GMDS: variants seen among roughly 807,000 people sequenced by gnomAD.
The protein encoded by GMDS is GDP-mannose 4,6 dehydratase.
GMDS carries 20 observed loss-of-function variants against 49.9 expected under a neutral mutation model. That is an observed-to-expected ratio of 0.40 (90% CI 0.28 to 0.58). The LOEUF (loss-of-function observed/expected upper bound fraction) is 0.58. GMDS is among the 20% of genes least tolerant of loss of function. The probability of loss-of-function intolerance (pLI) is 0.42; values close to 1 mark genes in which losing one functional copy is unlikely to be tolerated. For synonymous variants in GMDS, 177 were observed against 178.6 expected (o/e 0.99, Z 0.07); for missense variants, 362 against 481.4 (o/e 0.75, Z 2.32).
At chr6:1,913,872 G>A (rs964661623) in intron 7 of GMDS, among the ~76,000 whole-genome samples, 9 of 152,218 alleles carry the variant, frequency 5.9e-5, no homozygotes, top group Non-Finnish European at 8.8e-5. Flanking sequence ...ATGGTAAAGC[G>A]GAAAGCTAAC....
chr6:1,711,387 C>G (rs1255543317), intron 9 of GMDS, among the ~76,000 whole-genome samples: 1 of 152,232 alleles, frequency 6.6e-6, no homozygotes, highest in African/African-American at 2.4e-5. Flanking sequence ...GGCTTAAGAA[C>G]CATGGACTAG....
At chr6:2,114,407 C>T (rs1317105777) in intron 4 of GMDS, among the ~76,000 whole-genome samples, 1 of 152,040 alleles carries the variant, frequency 6.6e-6, no homozygotes, top group African/African-American at 2.4e-5. Flanking sequence ...GTCTTCATTC[C>T]TGGAATGATA....
At chr6:1,893,047 AAAG>A (rs1759954126) in intron 7 of GMDS, among the ~76,000 whole-genome samples, 1 of 152,170 alleles carries the variant, frequency 6.6e-6, no homozygotes, top group African/African-American at 2.4e-5. Context: ...AGTGCAAGGC[AAAG>A]AACTGGCTTT....
At chr6:1,900,477 G>C (rs150120754) in intron 7 of GMDS, among the ~76,000 whole-genome samples, 1 of 152,180 alleles carries the variant, frequency 6.6e-6, no homozygotes, top group African/African-American at 2.4e-5. Flanking sequence ...TGTTGATAAA[G>C]AGCCCCTGCT....
At chr6:1,831,261 T>C (rs1032028183) in intron 7 of GMDS, among the ~76,000 whole-genome samples, 2 of 152,232 alleles carry the variant, frequency 1.3e-5, no homozygotes, top group African/African-American at 4.8e-5. Context: ...TCAGTGGCTG[T>C]GTCCCATCTG....
At chr6:1,816,843 C>T (rs1027764473) in intron 7 of GMDS, among the ~76,000 whole-genome samples, 4 of 150,690 alleles carry the variant, frequency 2.7e-5, no homozygotes, top group African/African-American at 9.8e-5. Flanking sequence ...GTCTGCTGAC[C>T]ATAAGGCACA....
At chr6:1,870,504 G>C (rs184407074) in intron 7 of GMDS, among the ~76,000 whole-genome samples, 1 of 152,000 alleles carries the variant, frequency 6.6e-6, no homozygotes, top group African/African-American at 2.4e-5. Context: ...AAAACAGTCC[G>C]AGCCACATCA....
At chr6:1,982,880 T>C (rs1218806918) in intron 4 of GMDS, among the ~76,000 whole-genome samples, 1 of 152,130 alleles carries the variant, frequency 6.6e-6, no homozygotes, top group Non-Finnish European at 1.5e-5. Context: ...AAGACTACTT[T>C]AAAATTCATA....
Position 2,168,147 on chromosome 6 carries a change from T to C in GMDS, c.103-43416A>G, listed in dbSNP as rs114962338. Reference sequence around the variant, plus strand: ...AAGGGTGCCCCTTCCATCTTTATTGTTTCTACATTTGCCTGCTCTTTCCCT... The same window carrying C: ...AAGGGTGCCCCTTCCATCTTTATTGCTTCTACATTTGCCTGCTCTTTCCCT... On this transcript the variant is annotated intron_variant, in intron 1 of 10. Coordinates refer to ENST00000380815, the MANE Select transcript of GMDS (RefSeq NM_001500.4). Among the ~76,000 whole-genome samples, 865 of 152,302 alleles carry C rather than the reference T, an allele frequency of 5.7e-3. 2 individuals are homozygous for C. The highest frequency in any genetic ancestry group is 0.017 in the Middle Eastern group (5 of 294).
intron 9 of GMDS, among the ~76,000 whole-genome samples, chr6:1,651,783 G>A (rs575259555): frequency 6.6e-6 from 1 of 152,200 alleles, no homozygotes; most frequent in South Asian, 2.1e-4. Flanking sequence ...AAGTAAATGA[G>A]ATAATGTGTA....
intron 1 of GMDS, among the ~76,000 whole-genome samples, chr6:2,244,892 A>C (rs1781788388): frequency 6.6e-6 from 1 of 152,216 alleles, no homozygotes; most frequent in Admixed American, 6.5e-5. Flanking sequence ...AAACGTTAGC[A>C]GGTAAGCGCC....
intron 6 of GMDS, among the ~76,000 whole-genome samples, chr6:1,955,003 A>G (rs947299716): frequency 6.6e-6 from 1 of 152,184 alleles, no homozygotes; most frequent in Non-Finnish European, 1.5e-5. Context: ...AGATCACCGT[A>G]ACAGATATAA....
chr6:2,027,935 C>T (rs80306953), intron 4 of GMDS, among the ~76,000 whole-genome samples: 1 of 152,182 alleles, frequency 6.6e-6, no homozygotes, highest in Admixed American at 6.5e-5. Context: ...TGTTCTTCTA[C>T]ACTTTTGGAC....
chr6:1,803,459 G>A (rs926391680), intron 7 of GMDS, among the ~76,000 whole-genome samples: 2 of 151,830 alleles, frequency 1.3e-5, no homozygotes, highest in Non-Finnish European at 2.9e-5. Flanking sequence ...CTTTCAGCGA[G>A]CAGCCCTTGA....
intron 8 of GMDS, among the ~76,000 whole-genome samples, chr6:1,729,397 CA>C (rs1398480289): frequency 6.6e-6 from 1 of 152,194 alleles, no homozygotes; most frequent in Admixed American, 6.5e-5. Flanking sequence ...TGTCTACAGT[CA>C]AAACAGTCTC....
In GMDS at chr6:1,880,284, CAAAAAAA is replaced by C. The variant is rs34490393; in HGVS notation, c.771+49812_771+49818del. ...ACAATGAAACGAGACCTCATTTCCA[CAAAAAAA>C]AAAAAAAAAAAAAAAAAATCACCAG... On this transcript the variant is annotated intron_variant, in intron 7 of 10. Transcript: ENST00000380815. Among the ~76,000 whole-genome samples the C allele has an allele frequency of 5.1e-5, 3 of 59,124 alleles. No individual in the cohort carries two copies. The East Asian group carries it at 1.5e-3, about 30-fold the overall frequency. 38.8% of individuals were successfully genotyped at this position (59,124 alleles called of 152,430 possible). A position where few individuals can be genotyped will look rare whatever the true frequency, so the allele number is the denominator to read the frequency against.
At chr6:1,902,599 A>AT (rs1760552313) in intron 7 of GMDS, among the ~76,000 whole-genome samples, 1 of 152,218 alleles carries the variant, frequency 6.6e-6, no homozygotes, top group Non-Finnish European at 1.5e-5. Flanking sequence ...GTTAAAATTC[A>AT]TTTAAATTGA....
chr6:1,977,017 G>A (rs1001301004), intron 4 of GMDS, among the ~76,000 whole-genome samples: 4 of 152,212 alleles, frequency 2.6e-5, no homozygotes, highest in African/African-American at 2.4e-5. Flanking sequence ...GAGGCTGGAA[G>A]AGAATGATGC....
intron 1 of GMDS, among the ~76,000 whole-genome samples, chr6:2,226,420 T>C (rs1780814824): frequency 1.3e-5 from 2 of 152,216 alleles, no homozygotes; most frequent in African/African-American, 4.8e-5. Context: ...ACATTCCAAC[T>C]AAATTTTCGC....
Sources: allele counts gnomAD v4.1 joint callset (sites outside exome capture counted in the v4.1 genomes callset), GRCh38; gene constraint gnomAD v4.1.1; transcripts MANE v1.5; gene names NCBI Gene and HGNC (gene_info 2026-07-23, HGNC 2026-07-21).